Variants in NTN1 observed in about 807,000 individuals in gnomAD.
NTN1 encodes netrin-1.
In NTN1, 11 loss-of-function variants were observed where a neutral mutation model predicts 54.2. The observed-to-expected ratio is 0.20, with a 90% CI of 0.13 to 0.34. The LOEUF (loss-of-function observed/expected upper bound fraction) is 0.34. NTN1 is among the 10% of genes least tolerant of loss of function. The probability of loss-of-function intolerance (pLI) is 1.00; values close to 1 mark genes in which losing one functional copy is unlikely to be tolerated. For synonymous variants in NTN1, 371 were observed against 382.0 expected, an observed-to-expected ratio of 0.97 and a Z score of 0.33; for missense variants, 740 against 893.1, an observed-to-expected ratio of 0.83 and a Z score of 2.18.
rs200294143 is a variant in NTN1 at position 9,167,125 on chromosome 17, G to A, written c.1207+4124G>A. On this transcript the variant is annotated intron_variant, in intron 3 of 6. Coordinates refer to ENST00000173229, the MANE Select transcript of NTN1 (RefSeq NM_004822.3). ...GCTGCACTCTCCAGCTATTCAGTGCGATTTCACAGCACTGGGACGGCCTCG... is the reference window on the plus strand; with the variant it reads ...GCTGCACTCTCCAGCTATTCAGTGCAATTTCACAGCACTGGGACGGCCTCG... Among the ~76,000 whole-genome samples the A allele has an allele frequency of 9.8e-5, 15 of 152,300 alleles. No homozygotes were observed. The East Asian group carries it at 1.9e-3, about 20-fold the overall frequency.
chr17:9,191,156 G>A (rs1238475696), intron 5 of NTN1, among the ~76,000 whole-genome samples: 3 of 152,176 alleles, frequency 2.0e-5, no homozygotes, highest in African/African-American at 7.2e-5. Context: ...TAAAAGGAAA[G>A]ATTTTGAATA....
chr17:9,158,717 T>C (rs1205047570), intron 2 of NTN1, among the ~76,000 whole-genome samples: 1 of 152,092 alleles, frequency 6.6e-6, no homozygotes, highest in Non-Finnish European at 1.5e-5. Flanking sequence ...TCTGGCAGAG[T>C]GAGTCCAAAG....
chr17:9,217,602 T>C (rs1299529229), intron 5 of NTN1, among the ~76,000 whole-genome samples: 1 of 152,178 alleles, frequency 6.6e-6, no homozygotes, highest in African/African-American at 2.4e-5. Context: ...CTCAGCTATC[T>C]GGAATACAAC....
intron 6 of NTN1, among the ~76,000 whole-genome samples, chr17:9,226,155 T>G (rs75382388): frequency 0.45 from 56,830 of 125,770 alleles, 13,021 homozygotes; most frequent in East Asian, 0.57. Flanking sequence ...GCAAAGGGAT[T>G]TGGGGTCGGG....
At chr17:9,011,962 A>G in the NTN1 span, among the ~76,000 whole-genome samples, 120,773 of 152,088 alleles carry the variant, frequency 0.79, 48,331 homozygotes, top group African/African-American at 0.88. Flanking sequence ...GTCTTTAGTC[A>G]ATTAATTTGT....
At chr17:9,237,145 A>C (rs1376110451) in intron 6 of NTN1, among the ~76,000 whole-genome samples, 1 of 152,182 alleles carries the variant, frequency 6.6e-6, no homozygotes, top group Non-Finnish European at 1.5e-5. Flanking sequence ...AGTACCACAG[A>C]CCGAGTGGCT....
intron 5 of NTN1, among the ~76,000 whole-genome samples, chr17:9,190,280 C>T (rs975537712): frequency 7.9e-5 from 12 of 152,282 alleles, no homozygotes; most frequent in East Asian, 3.9e-4. Flanking sequence ...GGTCTTGCCA[C>T]GTTCTGAGAA....
At chr17:9,050,405 C>T (rs2091956692) in intron 2 of NTN1, among the ~76,000 whole-genome samples, 1 of 151,860 alleles carries the variant, frequency 6.6e-6, no homozygotes, top group African/African-American at 2.4e-5. Flanking sequence ...CGTGGTGGCT[C>T]ACACCTGTAA....
intron 2 of NTN1, among the ~76,000 whole-genome samples, chr17:9,126,983 G>A (rs1452662885): frequency 4.0e-5 from 6 of 151,412 alleles, no homozygotes; most frequent in African/African-American, 1.5e-4. Context: ...GCCTGAGATA[G>A]GGCAGCCGTG....
intron 2 of NTN1, among the ~76,000 whole-genome samples, chr17:9,054,689 C>T (rs749238390): frequency 2.0e-5 from 3 of 151,334 alleles, no homozygotes; most frequent in Admixed American, 6.6e-5. Flanking sequence ...TTGGCGAGCT[C>T]GCAGGGAGAT....
At chr17:9,058,637 C>CAAAA (rs3053457) in intron 2 of NTN1, among the ~76,000 whole-genome samples, 2,387 of 58,998 alleles carry the variant, frequency 0.04, 1 homozygote, top group Non-Finnish European at 0.045. Context: ...GGTAGGCACT[C>CAAAA]AAAAAAAAAA....
At chr17:9,079,440 G>A (rs2092063018) in intron 2 of NTN1, among the ~76,000 whole-genome samples, 1 of 152,320 alleles carries the variant, frequency 6.6e-6, no homozygotes, top group East Asian at 1.9e-4. Flanking sequence ...CTGTATTGAT[G>A]GCTTTGATTG....
intron 2 of NTN1, among the ~76,000 whole-genome samples, chr17:9,040,878 C>G (rs1365646174): frequency 6.6e-6 from 1 of 151,932 alleles, no homozygotes; most frequent in African/African-American, 2.4e-5. Context: ...CATGATCAAT[C>G]ATAGCTCATT....
chr17:9,138,632 G>C (rs2092288441), intron 2 of NTN1, among the ~76,000 whole-genome samples: 1 of 152,232 alleles, frequency 6.6e-6, no homozygotes, highest in Non-Finnish European at 1.5e-5. Flanking sequence ...TATTGGGTGT[G>C]CTGACAGCCG....
At chr17:9,134,751 A>G (rs1427780372) in intron 2 of NTN1, among the ~76,000 whole-genome samples, 1 of 152,174 alleles carries the variant, frequency 6.6e-6, no homozygotes, top group Non-Finnish European at 1.5e-5. Flanking sequence ...ATGCAGAGAC[A>G]GTCAGTGCAT....
At chr17:9,113,019 A>ATTTTTTTT (rs398058563) in intron 2 of NTN1, among the ~76,000 whole-genome samples, 1 of 141,936 alleles carries the variant, frequency 7.0e-6, no homozygotes. Context: ...TGTATACAGA[A>ATTTTTTTT]TTTTTTTTAT....
intron 6 of NTN1, among the ~76,000 whole-genome samples, chr17:9,223,766 G>A (rs573312057): frequency 2.6e-5 from 4 of 152,238 alleles, no homozygotes; most frequent in East Asian, 1.9e-4. Flanking sequence ...CCTGGGCACC[G>A]CAGCACTGTC....
intron 2 of NTN1, among the ~76,000 whole-genome samples, chr17:9,136,514 C>A (rs1412625282): frequency 6.6e-6 from 1 of 151,950 alleles, no homozygotes; most frequent in Non-Finnish European, 1.5e-5. Context: ...GAGGCAGAGG[C>A]TGCAGTGAGC....
At chr17:9,092,667 C>A (rs745545208) in intron 2 of NTN1, among the ~76,000 whole-genome samples, 7 of 152,112 alleles carry the variant, frequency 4.6e-5, no homozygotes, top group Non-Finnish European at 1.0e-4. Flanking sequence ...GATGTCAGCT[C>A]ATTGCAACCT....
Sources: allele counts gnomAD v4.1 joint callset (sites outside exome capture counted in the v4.1 genomes callset), GRCh38; gene constraint gnomAD v4.1.1; transcripts MANE v1.5; gene names NCBI Gene and HGNC (gene_info 2026-07-23, HGNC 2026-07-21).